The following FSTL5 variants were observed in gnomAD, a reference collection of about 807,000 sequenced individuals.
FSTL5 encodes the protein follistatin-related protein 5.
Under a neutral mutation model 89.1 loss-of-function variants are expected in FSTL5, and 62 were observed. That is an observed-to-expected ratio of 0.70 (90% CI 0.57 to 0.86). FSTL5 has a LOEUF of 0.86. Among genes scored for constraint, FSTL5 ranks in the 40% least tolerant of loss-of-function variants. FSTL5 has a pLI of 0.00. For missense variants in FSTL5, 1,057 were observed against 1,001.6 expected, an observed-to-expected ratio of 1.06 and a Z score of -0.75; for synonymous variants, 383 against 346.2, an observed-to-expected ratio of 1.11 and a Z score of -1.18.
intron 10 of FSTL5, among the ~76,000 whole-genome samples, chr4:161,527,139 C>T (rs1216455434): frequency 6.6e-6 from 1 of 152,142 alleles, no homozygotes; most frequent in African/African-American, 2.4e-5. Context: ...TTGTAGTTCT[C>T]CTTGAAGAGG....
At chr4:161,823,610 A>T (rs1294589543) in intron 4 of FSTL5, among the ~76,000 whole-genome samples, 1 of 152,164 alleles carries the variant, frequency 6.6e-6, no homozygotes, top group Non-Finnish European at 1.5e-5. Flanking sequence ...GGGATGTCCA[A>T]GTCTGGATCC....
chr4:161,639,883 G>T (rs1245154315), intron 7 of FSTL5, among the ~76,000 whole-genome samples: 1 of 152,170 alleles, frequency 6.6e-6, no homozygotes, highest in Non-Finnish European at 1.5e-5. Context: ...TTCCCTCCAT[G>T]TTGCAAGCTC....
chr4:161,941,156 A>G (rs1417869711), intron 3 of FSTL5, among the ~76,000 whole-genome samples: 4 of 151,866 alleles, frequency 2.6e-5, no homozygotes, highest in Non-Finnish European at 5.9e-5. Flanking sequence ...ATATCTAAAA[A>G]TATACATAAA....
chr4:161,897,242 T>C (rs575211264), intron 4 of FSTL5, among the ~76,000 whole-genome samples: 2 of 152,046 alleles, frequency 1.3e-5, no homozygotes, highest in South Asian at 2.1e-4. Context: ...TACATATTTA[T>C]AATAGGTAAT....
At chr4:161,855,957 A>AT in intron 4 of FSTL5, among the ~76,000 whole-genome samples, 3 of 152,238 alleles carry the variant, frequency 2.0e-5, no homozygotes, top group East Asian at 3.9e-4. Context: ...AAAAGGAATA[A>AT]AACCAAGATA....
chr4:162,073,246 A>ATG (rs918826033), intron 2 of FSTL5, among the ~76,000 whole-genome samples: 2 of 151,224 alleles, frequency 1.3e-5, no homozygotes, highest in Non-Finnish European at 1.5e-5. Flanking sequence ...TATCATGTGT[A>ATG]TGTGTGTGTG....
At chr4:161,823,117 G>A (rs2126852928) in intron 4 of FSTL5, among the ~76,000 whole-genome samples, 1 of 152,238 alleles carries the variant, frequency 6.6e-6, no homozygotes, top group South Asian at 2.1e-4. Context: ...GCTGGCCATT[G>A]GCAGGTATGA....
intron 3 of FSTL5, among the ~76,000 whole-genome samples, chr4:161,973,901 TCAG>T (rs1735557428): frequency 6.6e-6 from 1 of 152,126 alleles, no homozygotes; most frequent in African/African-American, 2.4e-5. Context: ...ATAAGGAACT[TCAG>T]CAAAGTCTCA....
intron 5 of FSTL5, among the ~76,000 whole-genome samples, chr4:161,768,827 T>TA (rs992987280): frequency 1.9e-3 from 279 of 146,104 alleles, no homozygotes; most frequent in Middle Eastern, 7.0e-3. Context: ...GTCAATAGAA[T>TA]AAAAAAAAAT....
At chr4:161,438,292 C>T (rs1732643362) in intron 15 of FSTL5, among the ~76,000 whole-genome samples, 1 of 148,450 alleles carries the variant, frequency 6.7e-6, no homozygotes, top group Non-Finnish European at 1.5e-5. Context: ...TGAGGTTTTC[C>T]TATTTATCTG....
chr4:161,806,376 G>T (rs1404846216), intron 4 of FSTL5, among the ~76,000 whole-genome samples: 1 of 152,002 alleles, frequency 6.6e-6, no homozygotes, highest in Non-Finnish European at 1.5e-5. Flanking sequence ...ACCATTGTTG[G>T]GCATATAGTG....
At position 161,446,274 on chromosome 4, in the gene FSTL5, A is replaced by G. The variant is rs575558252; in HGVS notation, c.1841+8730T>C. Among the ~76,000 whole-genome samples, 3 of 152,206 alleles carry G rather than the reference A, an allele frequency of 2.0e-5. No homozygotes were observed. In the South Asian group the frequency reaches 6.2e-4, roughly 31 times the overall value. ...CAAACAAAATAAAAAAGTGATGTGT[A>G]TATAAAATAAGCATTTAGCCACATT... On this transcript the variant is annotated intron_variant, in intron 15 of 15. Coordinates refer to ENST00000306100, the MANE Select transcript of FSTL5 (RefSeq NM_020116.5).
At chr4:161,424,098 C>T in intron 15 of FSTL5, among the ~76,000 whole-genome samples, 1 of 131,576 alleles carries the variant, frequency 7.6e-6, no homozygotes, top group Admixed American at 9.1e-5. Flanking sequence ...AGGATGGTCT[C>T]GATCTCCTGG....
chr4:162,143,801 CACACACACACACACACACATACAA>C (rs1371085765), intron 1 of FSTL5, among the ~76,000 whole-genome samples: 4 of 138,326 alleles, frequency 2.9e-5, no homozygotes, highest in Non-Finnish European at 6.4e-5. Context: ...CACACACACA[CACACACACACACACACACATACAA>C]ACACACACGG....
At chr4:161,743,624 G>C (rs1264025883) in intron 6 of FSTL5, among the ~76,000 whole-genome samples, 1 of 151,916 alleles carries the variant, frequency 6.6e-6, no homozygotes, top group African/African-American at 2.4e-5. Flanking sequence ...TTAATCTGTA[G>C]ATTACATTGA....
intron 5 of FSTL5, among the ~76,000 whole-genome samples, chr4:161,768,861 A>C (rs1268999251): frequency 1.3e-5 from 2 of 151,910 alleles, no homozygotes; most frequent in Admixed American, 6.6e-5. Flanking sequence ...GAAATAAATG[A>C]AATTGAAGAA....
At chr4:162,111,823 C>T (rs1221886650) in intron 1 of FSTL5, among the ~76,000 whole-genome samples, 1 of 151,884 alleles carries the variant, frequency 6.6e-6, no homozygotes, top group East Asian at 1.9e-4. Flanking sequence ...AATAGACTTA[C>T]CGTTATTATA....
chr4:161,779,137 C>T (rs554458994), intron 4 of FSTL5, among the ~76,000 whole-genome samples: 2 of 152,242 alleles, frequency 1.3e-5, no homozygotes, highest in South Asian at 4.1e-4. Context: ...GTTTGGGTTG[C>T]CCCACTCAAA....
At chr4:162,157,072 AG>A (rs1346800701) in intron 1 of FSTL5, among the ~76,000 whole-genome samples, 3 of 152,154 alleles carry the variant, frequency 2.0e-5, no homozygotes, top group Admixed American at 2.0e-4. Context: ...AACAAGAATA[AG>A]GAGACTAGTG....
Sources: allele counts gnomAD v4.1 joint callset (sites outside exome capture counted in the v4.1 genomes callset), GRCh38; gene constraint gnomAD v4.1.1; transcripts MANE v1.5; gene names NCBI Gene and HGNC (gene_info 2026-07-23, HGNC 2026-07-21).